DLGAP2: variants seen among roughly 807,000 people sequenced by gnomAD.
The protein encoded by DLGAP2 is disks large-associated protein 2.
DLGAP2 carries 26 observed loss-of-function variants against 100.3 expected under a neutral mutation model. The observed-to-expected ratio is 0.26, with a 90% confidence interval of 0.19 to 0.36. The LOEUF (loss-of-function observed/expected upper bound fraction) is 0.36, where lower values mean the gene tolerates loss of function less well. Among genes scored for constraint, DLGAP2 ranks in the 10% least tolerant of loss-of-function variants. The pLI, the probability that DLGAP2 is intolerant of heterozygous loss-of-function variation, is 1.00. For synonymous variants in DLGAP2, 886 were observed against 630.1 expected (o/e 1.41, Z -6.08); for missense variants, 1,858 against 1,453.2 (o/e 1.28, Z -4.53).
chr8:1,047,366 T>G (rs1222940087), intron 2 of DLGAP2, among the ~76,000 whole-genome samples: 6 of 152,376 alleles, frequency 3.9e-5, no homozygotes, highest in Non-Finnish European at 1.5e-5. Context: ...TTTTGGAATT[T>G]TTTTTGGATT....
intron 3 of DLGAP2, among the ~76,000 whole-genome samples, chr8:1,310,648 T>TTTCTTTG (rs1800592740): frequency 6.6e-6 from 1 of 152,164 alleles, no homozygotes; most frequent in East Asian, 1.9e-4. Context: ...AAGTTGGGTT[T>TTTCTTTG]TTTTTTGTTT....
chr8:981,973 C>T (rs1459838406), intron 2 of DLGAP2, among the ~76,000 whole-genome samples: 1 of 152,236 alleles, frequency 6.6e-6, no homozygotes, highest in Non-Finnish European at 1.5e-5. Flanking sequence ...CTGGATACCA[C>T]ATCCCTGGCC....
At chr8:1,214,192 G>C (rs779695691) in intron 2 of DLGAP2, among the ~76,000 whole-genome samples, 55 of 152,124 alleles carry the variant, frequency 3.6e-4, no homozygotes, top group Non-Finnish European at 6.9e-4. Flanking sequence ...CACCCAGCAG[G>C]TGTCTTTTAT....
chr8:983,797 T>G (rs1800409989), intron 2 of DLGAP2, among the ~76,000 whole-genome samples: 1 of 152,018 alleles, frequency 6.6e-6, no homozygotes. Flanking sequence ...TAGGTGTATG[T>G]CACATGCCTG....
chr8:1,315,639 G>A (rs1230220832), intron 3 of DLGAP2, among the ~76,000 whole-genome samples: 2 of 129,606 alleles, frequency 1.5e-5, no homozygotes, highest in African/African-American at 5.8e-5. Flanking sequence ...AAAATAGAGC[G>A]TGTGCAAGTA....
In DLGAP2 at chr8:1,701,707, A is replaced by G; in HGVS notation, c.*301A>G. ...TCCTGCGTGTTCTCAGAGGACGGCG[A>G]GAAATGCCTCTGGAGCTGGAACCCA... On this transcript the variant is annotated 3_prime_UTR_variant, in exon 15 of 15. Coordinates refer to ENST00000637795, the MANE Select transcript of DLGAP2 (RefSeq NM_001346810.2). 1 of 419,674 alleles carries G rather than the reference A, an allele frequency of 2.4e-6. No homozygotes were observed. The highest frequency in any genetic ancestry group is 4.2e-6 in the Non-Finnish European group (1 of 239,192). The allele number at this position is 419,674 out of a possible 1,614,324, so 26.0% of individuals were successfully genotyped here.
chr8:1,006,248 A>G (rs1801105689), intron 2 of DLGAP2, among the ~76,000 whole-genome samples: 1 of 152,168 alleles, frequency 6.6e-6, no homozygotes, highest in South Asian at 2.1e-4. Context: ...AAGATGGACA[A>G]CTGTGCTATG....
rs867778187 is a variant in DLGAP2, at chr8:1,350,383, C to T, written c.106+91500C>T. On this transcript the variant is annotated intron_variant, in intron 3 of 14. Coordinates refer to ENST00000637795, the MANE Select transcript of DLGAP2 (RefSeq NM_001346810.2). ...AAAGGCCGCGTGGGTCCTGACTGTG[C>T]GTGGAAAGGCCGCGCGGGTCCTGAC... is the stretch of plus-strand genomic sequence containing the variant. Among the ~76,000 whole-genome samples the T allele has an allele frequency of 5.8e-5, 4 of 68,468 alleles. 1 individual carries two copies. The highest frequency in any genetic ancestry group is 1.0e-4 in the African/African-American group (2 of 19,688). 44.9% of individuals were successfully genotyped at this position (68,468 alleles called of 152,430 possible).
chr8:1,247,293 G>C (rs1371330865), intron 2 of DLGAP2, among the ~76,000 whole-genome samples: 1 of 103,268 alleles, frequency 9.7e-6, no homozygotes, highest in African/African-American at 4.6e-5. Context: ...ATCGGTGGCT[G>C]GGAAGACCAT....
rs141349910 is a variant in DLGAP2, at chr8:1,197,356, G to A, written c.74-61495G>A. 4.3e-4 allele frequency among the ~76,000 whole-genome samples: 66 copies of A among 152,318 alleles called. No homozygotes were observed. The East Asian group carries it at 0.012, about 27-fold the overall frequency. ...CTCCCTCCTCTTCTGCTCAGTACCTGAGCCCTTGTCTCAATACCTGAGCCT... is the reference window on the plus strand; with the variant it reads ...CTCCCTCCTCTTCTGCTCAGTACCTAAGCCCTTGTCTCAATACCTGAGCCT... On this transcript the variant is annotated intron_variant, in intron 2 of 14. Transcript: ENST00000637795.
At chr8:977,551 T>A (rs992390082) in intron 2 of DLGAP2, among the ~76,000 whole-genome samples, 1 of 152,244 alleles carries the variant, frequency 6.6e-6, no homozygotes, top group Non-Finnish European at 1.5e-5. Flanking sequence ...GGTACTTATT[T>A]TTGAACTCAT....
chr8:1,352,575 T>C (rs912318992), intron 3 of DLGAP2, among the ~76,000 whole-genome samples: 1 of 152,160 alleles, frequency 6.6e-6, no homozygotes, highest in African/African-American at 2.4e-5. Flanking sequence ...TTCATCCAAG[T>C]TTGTAATAAT....
chr8:1,548,920 T>G lies in DLGAP2; in HGVS notation c.467T>G (p.Val156Gly). The G allele has an allele frequency of 6.3e-7, 1 of 1,598,080 alleles. No individual in the cohort carries two copies. Among genetic ancestry groups the G allele is most frequent in the Non-Finnish European group, 8.5e-7 (1 of 1,179,032 alleles). The change falls in exon 5 of 15, where the codon GTG becomes GGG. Residue 156 changes from valine to glycine, a missense_variant. Val to Gly is a moderately radical substitution (Grantham distance 109). Transcript: ENST00000637795. ...ATGCCGGTGGTGCTGGGCGACCACG[T>G]GTCCAGCAGCACCTTCCCGCGGATG... The part of the protein sequence containing the change: ...VMMPVVLGDH[V>G]SSSTFPRMHY...
chr8:1,128,972 C>G (rs528697555), intron 2 of DLGAP2, among the ~76,000 whole-genome samples: 1 of 152,316 alleles, frequency 6.6e-6, no homozygotes, highest in South Asian at 2.1e-4. Flanking sequence ...CAAGCTGACG[C>G]TCCCCACAGG....
intron 2 of DLGAP2, among the ~76,000 whole-genome samples, chr8:1,068,341 A>G (rs1307048936): frequency 6.6e-6 from 1 of 152,248 alleles, no homozygotes; most frequent in Admixed American, 6.5e-5. Flanking sequence ...GTTGGATTGT[A>G]TGACAAGCAT....
chr8:1,198,518 T>C (rs1005196090), intron 2 of DLGAP2, among the ~76,000 whole-genome samples: 4 of 151,688 alleles, frequency 2.6e-5, no homozygotes, highest in African/African-American at 9.7e-5. Context: ...CCCCCAGAGC[T>C]CGGGGGAAGG....
chr8:1,203,957 A>C (rs1797936759), intron 2 of DLGAP2, among the ~76,000 whole-genome samples: 1 of 152,192 alleles, frequency 6.6e-6, no homozygotes, highest in Non-Finnish European at 1.5e-5. Flanking sequence ...AGTGTCAAAA[A>C]ATAGGTCACT....
At chr8:1,412,028 C>A (rs1206490149) in intron 3 of DLGAP2, among the ~76,000 whole-genome samples, 1 of 152,240 alleles carries the variant, frequency 6.6e-6, no homozygotes, top group African/African-American at 2.4e-5. Context: ...TGATCTCCTG[C>A]TAGGGATGTC....
chr8:1,297,504 GCAGGCA>G lies in DLGAP2; in HGVS notation c.106+38622_106+38627del, dbSNP rs1324445209. Among the ~76,000 whole-genome samples, 13 of 146,918 alleles carry G rather than the reference GCAGGCA, an allele frequency of 8.8e-5. No individual in the cohort carries two copies. In the South Asian group the frequency reaches 1.8e-3, roughly 20 times the overall value. On this transcript the variant is annotated intron_variant, in intron 3 of 14. Transcript: ENST00000637795. Reference sequence around the variant, plus strand: ...ACACGAGACAGGGAGGAGAAACGTGGCAGGCATGAACAGACACCACGTGAGACAGGG... The same window carrying G: ...ACACGAGACAGGGAGGAGAAACGTGGTGAACAGACACCACGTGAGACAGGG...
Sources: allele counts gnomAD v4.1 joint callset (sites outside exome capture counted in the v4.1 genomes callset), GRCh38; gene constraint gnomAD v4.1.1; transcripts MANE v1.5; gene names NCBI Gene and HGNC (gene_info 2026-07-23, HGNC 2026-07-21).